Variants in MRPS6 observed in about 807,000 individuals in gnomAD.
The protein encoded by MRPS6 is mitochondrial ribosomal protein S6, also known as small ribosomal subunit protein bS6m.
MRPS6 carries 6 observed loss-of-function variants against 13.1 expected under a neutral mutation model. That is an observed-to-expected ratio of 0.46 (90% CI 0.25 to 0.91). The LOEUF (loss-of-function observed/expected upper bound fraction) is 0.91. Among genes scored for constraint, MRPS6 ranks in the 40% least tolerant of loss-of-function variants. The probability of loss-of-function intolerance (pLI) is 0.18; values close to 1 mark genes in which losing one functional copy is unlikely to be tolerated. For synonymous variants in MRPS6, 61 were observed against 56.5 expected (o/e 1.08, Z -0.36); for missense variants, 164 against 155.6 (o/e 1.05, Z -0.29).
At chr21:34,083,169 T>A (rs1346212715) in intron 1 of MRPS6, among the ~76,000 whole-genome samples, 3 of 152,208 alleles carry the variant, frequency 2.0e-5, no homozygotes, top group Non-Finnish European at 2.9e-5. Flanking sequence ...CAAGTGCAGT[T>A]ATGGTAGCCG....
rs768163299 is a variant in MRPS6, at chr21:34,096,773, T to C, written c.45+23028T>C. The C allele has an allele frequency of 5.0e-6, 8 of 1,613,934 alleles. No homozygotes were observed. Among genetic ancestry groups the C allele is most frequent in the Non-Finnish European group, 6.8e-6 (8 of 1,179,990 alleles). Reference sequence around the variant, plus strand: ...GATTGTTTTGGGTCACGGGACTCATTACTGTAATTGTGAGCCTTCTCACAC... The same window carrying C: ...GATTGTTTTGGGTCACGGGACTCATCACTGTAATTGTGAGCCTTCTCACAC... On this transcript the variant is annotated intron_variant, in intron 1 of 2. Coordinates refer to ENST00000399312, the MANE Select transcript of MRPS6 (RefSeq NM_032476.4). The surrounding 1 kb of genome is among the most constrained non-coding windows in gnomAD (Gnocchi z 5.9).
intron 2 of MRPS6, among the ~76,000 whole-genome samples, chr21:34,125,798 A>C (rs1980284636): frequency 6.6e-6 from 1 of 152,226 alleles, no homozygotes; most frequent in African/African-American, 2.4e-5. Flanking sequence ...AAAATACCTT[A>C]GTGAACAGTG....
intron 2 of MRPS6, among the ~76,000 whole-genome samples, chr21:34,141,402 AG>A: frequency 6.6e-6 from 1 of 152,246 alleles, no homozygotes; most frequent in South Asian, 2.1e-4. Context: ...GGTCTCTCTG[AG>A]AGGGTGACAT....
chr21:34,099,938 G>C lies in MRPS6; in HGVS notation c.46-25403G>C, dbSNP rs1037513287. 5 of 382,350 alleles carry C rather than the reference G, an allele frequency of 1.3e-5. No homozygotes were observed. The Admixed American group carries it at 3.2e-4, about 25-fold the overall frequency. The allele number at this position is 382,350 out of a possible 1,614,324, so 23.7% of individuals were successfully genotyped here. A position where few individuals can be genotyped will look rare whatever the true frequency, so the allele number is the denominator to read the frequency against. ...TGATTGCAACTTAATTCAGGGACCA[G>C]TCTTCAATCTATATTTCATTAGAAT... On this transcript the variant is annotated intron_variant, in intron 1 of 2. Coordinates refer to ENST00000399312, the MANE Select transcript of MRPS6 (RefSeq NM_032476.4).
At chr21:34,086,905 C>T (rs1978417718) in intron 1 of MRPS6, among the ~76,000 whole-genome samples, 3 of 152,152 alleles carry the variant, frequency 2.0e-5, no homozygotes, top group South Asian at 2.1e-4. Context: ...TTGTTGCTTG[C>T]CGGCACTGAC....
At chr21:34,098,809 T>C in intron 1 of MRPS6, 1 of 1,000,030 alleles carries the variant, frequency 1.0e-6, no homozygotes, top group African/African-American at 1.7e-5. Context: ...TACGTACTTC[T>C]GTGTCTTCGT....
At chr21:34,110,103 T>G (rs1408713477) in intron 1 of MRPS6, among the ~76,000 whole-genome samples, 2 of 152,152 alleles carry the variant, frequency 1.3e-5, no homozygotes, top group African/African-American at 4.8e-5. Flanking sequence ...AGTTGGAGTT[T>G]TAAAGTTCTG....
chr21:34,085,995 A>G (rs572860966), intron 1 of MRPS6, among the ~76,000 whole-genome samples: 2 of 152,356 alleles, frequency 1.3e-5, no homozygotes, highest in South Asian at 4.1e-4. Context: ...TGAATTGTCA[A>G]AAGTGTCTGT....
At position 34,096,970 on chromosome 21, in the gene MRPS6, C is replaced by G. The variant is rs1159859757; in HGVS notation, c.45+23225C>G. 6.2e-6 allele frequency: 10 copies of G among 1,614,000 alleles called. No homozygotes were observed. In the East Asian group the frequency reaches 2.0e-4, roughly 32 times the overall value. ...AACCACATCATTCCCAACGGGAAATCTGAAGACAGCATTAAGGGCCTTCAG... is the reference window on the plus strand; with the variant it reads ...AACCACATCATTCCCAACGGGAAATGTGAAGACAGCATTAAGGGCCTTCAG... On this transcript the variant is annotated intron_variant, in intron 1 of 2. Coordinates refer to ENST00000399312, the MANE Select transcript of MRPS6 (RefSeq NM_032476.4). This position sits in a 1 kb window ranked among gnomAD's most constrained non-coding sequence, Gnocchi z 5.9.
chr21:34,142,803 A>G lies in MRPS6; in HGVS notation c.*203A>G. 1 of 477,388 alleles carries G rather than the reference A, an allele frequency of 2.1e-6. No homozygotes were observed. Among genetic ancestry groups the G allele is most frequent in the South Asian group, 4.8e-5 (1 of 20,942 alleles). 29.6% of individuals were successfully genotyped at this position (477,388 alleles called of 1,614,324 possible). On this transcript the variant is annotated 3_prime_UTR_variant, in exon 3 of 3. Coordinates refer to ENST00000399312, the MANE Select transcript of MRPS6 (RefSeq NM_032476.4). ...CACTGACAGCTTCTCTGTAACCTGC[A>G]GTACCAGTGGATCGTTCTTGATTTT...
intron 1 of MRPS6, among the ~76,000 whole-genome samples, chr21:34,110,712 G>A (rs1013577003): frequency 2.0e-5 from 3 of 152,096 alleles, no homozygotes; most frequent in African/African-American, 7.2e-5. Context: ...CCAGTGTATG[G>A]TCATGTCATT....
chr21:34,137,162 T>C (rs1308213528), intron 2 of MRPS6, among the ~76,000 whole-genome samples: 1 of 152,242 alleles, frequency 6.6e-6, no homozygotes, highest in Non-Finnish European at 1.5e-5. Flanking sequence ...AGATCCATTA[T>C]GAACTTTCTA....
chr21:34,114,610 T>C (rs1290059185), intron 1 of MRPS6, among the ~76,000 whole-genome samples: 1 of 152,176 alleles, frequency 6.6e-6, no homozygotes, highest in Non-Finnish European at 1.5e-5. Flanking sequence ...TGCTGAGAAA[T>C]ACCTTGGTGA....
At chr21:34,104,716 T>G (rs1329873209) in intron 1 of MRPS6, 7 of 999,798 alleles carry the variant, frequency 7.0e-6, no homozygotes, top group African/African-American at 1.7e-5. Context: ...GGAAGAAGAT[T>G]ACCAGAAGTG....
chr21:34,097,448 T>G lies in MRPS6; in HGVS notation c.45+23703T>G, dbSNP rs1378089483. 4 of 1,488,234 alleles carry G rather than the reference T, an allele frequency of 2.7e-6. No homozygotes were observed. In the African/African-American group the frequency reaches 4.2e-5, roughly 16 times the overall value. 92.2% of individuals were successfully genotyped at this position (1,488,234 alleles called of 1,614,324 possible). A position where few individuals can be genotyped will look rare whatever the true frequency, so the allele number is the denominator to read the frequency against. Reference sequence around the variant, plus strand: ...AACTGTGCATCTCTCAGGCATTGTTTACGCTGTAGGTTTTAGCCAAATTTT... The same window carrying G: ...AACTGTGCATCTCTCAGGCATTGTTGACGCTGTAGGTTTTAGCCAAATTTT... On this transcript the variant is annotated intron_variant, in intron 1 of 2. Coordinates refer to ENST00000399312, the MANE Select transcript of MRPS6 (RefSeq NM_032476.4).
intron 1 of MRPS6, among the ~76,000 whole-genome samples, chr21:34,089,672 C>T (rs1202250901): frequency 2.0e-5 from 3 of 152,054 alleles, no homozygotes; most frequent in Admixed American, 1.3e-4. Flanking sequence ...ACTCCTGTCC[C>T]GGGAGAAACT....
At chr21:34,127,915 G>A (rs1602961222) in intron 2 of MRPS6, among the ~76,000 whole-genome samples, 1 of 152,176 alleles carries the variant, frequency 6.6e-6, no homozygotes, top group East Asian at 1.9e-4. Context: ...GGCTCTTTTT[G>A]AACAGCCCTA....
chr21:34,121,228 G>T (rs1323397665), intron 1 of MRPS6, among the ~76,000 whole-genome samples: 1 of 152,000 alleles, frequency 6.6e-6, no homozygotes, highest in Non-Finnish European at 1.5e-5. Context: ...AGAATTGGGG[G>T]GCATAAAAAG....
At chr21:34,101,031 C>T (rs1979214450) in intron 1 of MRPS6, 2 of 999,978 alleles carry the variant, frequency 2.0e-6, no homozygotes, top group Admixed American at 6.2e-5. Context: ...GGTGACACCT[C>T]ACTGTTTCCT....
Sources: allele counts gnomAD v4.1 joint callset (sites outside exome capture counted in the v4.1 genomes callset), GRCh38; gene constraint gnomAD v4.1.1; non-coding constraint Gnocchi (gnomAD v3.1); transcripts MANE v1.5; gene names NCBI Gene and HGNC (gene_info 2026-07-23, HGNC 2026-07-21).